DIP2B: variants seen among roughly 807,000 people sequenced by gnomAD.
The protein encoded by DIP2B is disco-interacting protein 2 homolog B.
A neutral mutation model predicts 198.0 loss-of-function variants in DIP2B; 76 were observed. The observed-to-expected ratio is 0.38, with a 90% CI of 0.32 to 0.46. The LOEUF (loss-of-function observed/expected upper bound fraction) is 0.46. Among genes scored for constraint, DIP2B ranks in the 20% least tolerant of loss-of-function variants. The pLI, the probability that DIP2B is intolerant of heterozygous loss-of-function variation, is 0.99. For missense variants in DIP2B, 1,559 were observed against 1,978.4 expected, an observed-to-expected ratio of 0.79 and a Z score of 4.02; for synonymous variants, 701 against 739.1, an observed-to-expected ratio of 0.95 and a Z score of 0.84.
At chr12:50,614,148 C>A (rs1937652926) in intron 1 of DIP2B, among the ~76,000 whole-genome samples, 1 of 152,142 alleles carries the variant, frequency 6.6e-6, no homozygotes, top group African/African-American at 2.4e-5. Context: ...AATCTGTTTT[C>A]TTCCTTCACT....
intron 1 of DIP2B, among the ~76,000 whole-genome samples, chr12:50,540,867 A>G (rs1350494847): frequency 6.6e-6 from 1 of 152,132 alleles, no homozygotes; most frequent in Non-Finnish European, 1.5e-5. Context: ...AGTTATTCAT[A>G]TTAAAAATAT....
chr12:50,744,066 A>G (rs942147836), intron 37 of DIP2B, among the ~76,000 whole-genome samples: 9 of 152,148 alleles, frequency 5.9e-5, no homozygotes, highest in East Asian at 5.8e-4. Context: ...TAGTGGCGCA[A>G]ACTTGGCTCA....
intron 1 of DIP2B, among the ~76,000 whole-genome samples, chr12:50,549,629 G>T (rs1388050952): frequency 6.7e-6 from 1 of 148,780 alleles, no homozygotes; most frequent in African/African-American, 2.5e-5. Flanking sequence ...AACCTGGGAG[G>T]CAGAGGTTGC....
chr12:50,708,486 G>T lies in DIP2B; in HGVS notation c.2573G>T (p.Arg858Leu). The change falls in exon 22 of 38, where the codon CGC becomes CTC. Residue 858 changes from arginine (R) to leucine (L), a missense_variant. By Grantham distance (102) the Arg-to-Leu change is moderately radical (BLOSUM62 -2). Transcript: ENST00000301180. ...TCTGTGTCTGTATTTTATGATGAGCGCATTGTGGTGGTTGCGGAACAAAGA... is the reference window on the plus strand; with the variant it reads ...TCTGTGTCTGTATTTTATGATGAGCTCATTGTGGTGGTTGCGGAACAAAGA... The part of the protein sequence containing the change: ...VFSVSVFYDE[R>L]IVVVAEQRPD... 6.2e-7 allele frequency: 1 copy of T among 1,607,632 alleles called. No homozygotes were observed. The highest frequency in any genetic ancestry group is 8.5e-7 in the Non-Finnish European group (1 of 1,176,734).
At chr12:50,595,539 A>G (rs1390440811) in intron 1 of DIP2B, among the ~76,000 whole-genome samples, 1 of 152,138 alleles carries the variant, frequency 6.6e-6, no homozygotes, top group Non-Finnish European at 1.5e-5. Flanking sequence ...TCCTAGGCTC[A>G]AGCAATCTGT....
intron 1 of DIP2B, among the ~76,000 whole-genome samples, chr12:50,592,973 A>G (rs1958832523): frequency 6.6e-6 from 1 of 152,194 alleles, no homozygotes; most frequent in Non-Finnish European, 1.5e-5. Flanking sequence ...GAGAATTTAA[A>G]TATGACAAGT....
intron 4 of DIP2B, among the ~76,000 whole-genome samples, chr12:50,661,304 C>A (rs755973664): frequency 6.6e-6 from 1 of 152,064 alleles, no homozygotes; most frequent in East Asian, 1.9e-4. Flanking sequence ...CTACTTAATA[C>A]GTCTTTGGGG....
intron 1 of DIP2B, among the ~76,000 whole-genome samples, chr12:50,538,197 C>G (rs1958287168): frequency 6.6e-6 from 1 of 152,016 alleles, no homozygotes; most frequent in Admixed American, 6.6e-5. Flanking sequence ...GAGGGCAGGG[C>G]TGCTGTTCTC....
At chr12:50,581,632 A>G (rs1246344680) in intron 1 of DIP2B, among the ~76,000 whole-genome samples, 1 of 138,266 alleles carries the variant, frequency 7.2e-6, no homozygotes. Flanking sequence ...TGCTACCCAC[A>G]TTCACCACAG....
In DIP2B at chr12:50,723,289, C is replaced by A; in HGVS notation, c.3254C>A (p.Thr1085Lys). The change falls in exon 27 of 38, where the codon ACG becomes AAG. Residue 1085 changes from threonine (T) to lysine (K), a missense_variant. Physicochemically the swap from Thr to Lys is moderately conservative, Grantham distance 78. Transcript: ENST00000301180. ...TVRPPHAQNL[T>K]ATLPTVRMIV... ...AGACCTCCACATGCTCAGAACCTCA[C>A]GGCCACGCTGCCCACTGTCCGAATG... 6.2e-7 allele frequency: 1 copy of A among 1,614,172 alleles called. No homozygotes were observed. Among genetic ancestry groups the A allele is most frequent in the Non-Finnish European group, 8.5e-7 (1 of 1,180,034 alleles).
intron 3 of DIP2B, among the ~76,000 whole-genome samples, chr12:50,647,416 AG>A (rs1303622322): frequency 7.9e-5 from 12 of 152,330 alleles, no homozygotes; most frequent in African/African-American, 2.9e-4. Context: ...TATTCCAGGC[AG>A]AAGAAACATA....
intron 14 of DIP2B, among the ~76,000 whole-genome samples, chr12:50,694,654 CT>C (rs371524388): frequency 1.3e-4 from 17 of 131,176 alleles, no homozygotes; most frequent in Admixed American, 2.3e-4. Context: ...ACCCCTGTCT[CT>C]TTTTTTTTTT....
chr12:50,664,695 C>T (rs987107580), intron 4 of DIP2B, among the ~76,000 whole-genome samples: 11 of 152,058 alleles, frequency 7.2e-5, no homozygotes, highest in African/African-American at 2.4e-4. Flanking sequence ...AAATAGACCA[C>T]ATAATGACCC....
intron 1 of DIP2B, among the ~76,000 whole-genome samples, chr12:50,557,161 A>G (rs1958478932): frequency 1.3e-5 from 2 of 152,190 alleles, no homozygotes; most frequent in East Asian, 3.8e-4. Flanking sequence ...AGACTTTCTG[A>G]ATCACTGAGC....
At chr12:50,571,548 G>GTTTTTTT (rs71083600) in intron 1 of DIP2B, among the ~76,000 whole-genome samples, 5 of 85,746 alleles carry the variant, frequency 5.8e-5, no homozygotes, top group Non-Finnish European at 8.4e-5. Flanking sequence ...AAACCTAGGC[G>GTTTTTTT]TTTTTTTTTT....
At chr12:50,666,062 A>G (rs932859567) in intron 4 of DIP2B, among the ~76,000 whole-genome samples, 1 of 152,226 alleles carries the variant, frequency 6.6e-6, no homozygotes, top group Non-Finnish European at 1.5e-5. Flanking sequence ...GATCATTTTA[A>G]TAGTGTATTT....
Position 50,647,979 on chromosome 12 carries a change from G to A in DIP2B, c.301+7127G>A, listed in dbSNP as rs575539765. Among the ~76,000 whole-genome samples the A allele has an allele frequency of 1.8e-4, 28 of 152,198 alleles. No homozygotes were observed. In the South Asian group the frequency reaches 2.5e-3, roughly 14 times the overall value. ...AAATTAGCCAGGCGTGGTGGCGTGCGCCTGTAGTACCAGCTATGCGAGAGA... is the reference window on the plus strand; with the variant it reads ...AAATTAGCCAGGCGTGGTGGCGTGCACCTGTAGTACCAGCTATGCGAGAGA... On this transcript the variant is annotated intron_variant, in intron 3 of 37. Coordinates refer to ENST00000301180, the MANE Select transcript of DIP2B (RefSeq NM_173602.3).
chr12:50,729,139 C>G lies in DIP2B; in HGVS notation c.3641+461C>G, dbSNP rs150272333. 3.7e-3 allele frequency among the ~76,000 whole-genome samples: 566 copies of G among 152,272 alleles called. 4 individuals carry two copies. The highest frequency in any genetic ancestry group is 0.013 in the African/African-American group (530 of 41,558). The stretch of plus-strand genomic sequence containing the variant: ...CAGATCCCAGCTCCTCTCACCATTC[C>G]CCCAGGGAACCTCATCTCAGACCTG... On this transcript the variant is annotated intron_variant, in intron 30 of 37. Transcript: ENST00000301180.
chr12:50,699,102 A>T lies in DIP2B; in HGVS notation c.2225A>T (p.Gln742Leu), dbSNP rs772715762. 7 of 1,614,192 alleles carry T rather than the reference A, an allele frequency of 4.3e-6. No individual in the cohort carries two copies. In the East Asian group the frequency reaches 1.6e-4, roughly 36 times the overall value. The change falls in exon 19 of 38, where the codon CAG (glutamine) becomes CTG (leucine). Residue 742 changes from glutamine to leucine, a missense_variant. Coordinates refer to ENST00000301180, the MANE Select transcript of DIP2B (RefSeq NM_173602.3). ...ATTGTGAAACCAGATGGACCTCCCC[A>T]GCTCTGCAAAACAGATGAAATTGGA... ...MCIVKPDGPP[Q>L]LCKTDEIGEI...
Sources: allele counts gnomAD v4.1 joint callset (sites outside exome capture counted in the v4.1 genomes callset), GRCh38; gene constraint gnomAD v4.1.1; transcripts MANE v1.5; gene names NCBI Gene and HGNC (gene_info 2026-07-23, HGNC 2026-07-21).